The following RAD51B variants were observed in gnomAD, a reference collection of about 807,000 sequenced individuals.
RAD51B encodes the protein DNA repair protein RAD51 homolog 2.
In RAD51B, 38 loss-of-function variants were observed where a neutral mutation model predicts 42.2. That is an observed-to-expected ratio of 0.90 (90% CI 0.70 to 1.18). The LOEUF is 1.18. Ranked by LOEUF, RAD51B falls within the 50% of genes most tolerant of loss-of-function variation. The probability of loss-of-function intolerance (pLI) is 0.00; values close to 1 mark genes in which losing one functional copy is unlikely to be tolerated. For synonymous variants in RAD51B, 154 were observed against 145.2 expected (o/e 1.06, Z -0.43); for missense variants, 373 against 400.7 (o/e 0.93, Z 0.59).
chr14:68,059,501 G>A (rs2076535305), intron 7 of RAD51B, among the ~76,000 whole-genome samples: 1 of 151,982 alleles, frequency 6.6e-6, no homozygotes, highest in African/African-American at 2.4e-5. Flanking sequence ...TCATTTCCTG[G>A]ATAGCCCTCC....
At chr14:68,063,215 T>C (rs2076597136) in intron 7 of RAD51B, among the ~76,000 whole-genome samples, 1 of 152,182 alleles carries the variant, frequency 6.6e-6, no homozygotes, top group South Asian at 2.1e-4. Context: ...TTTTTAAGTC[T>C]CTATTTTGTT....
chr14:68,423,400 A>G (rs2084757942), intron 9 of RAD51B, among the ~76,000 whole-genome samples: 2 of 152,146 alleles, frequency 1.3e-5, no homozygotes, highest in Non-Finnish European at 2.9e-5. Context: ...TGTACCAGTT[A>G]TTCTGCTAAG....
At chr14:68,235,883 A>G (rs867679767) in intron 7 of RAD51B, among the ~76,000 whole-genome samples, 6 of 152,342 alleles carry the variant, frequency 3.9e-5, no homozygotes, top group African/African-American at 1.2e-4. Context: ...CCATAAAAAA[A>G]GAATGAGATC....
chr14:68,546,221 G>T (rs778068484), intron 10 of RAD51B, among the ~76,000 whole-genome samples: 5 of 152,202 alleles, frequency 3.3e-5, no homozygotes, highest in Non-Finnish European at 5.9e-5. Flanking sequence ...AGGAAGGACT[G>T]GTAGCAGCAG....
chr14:67,892,550 A>T (rs1298511783), intron 7 of RAD51B, among the ~76,000 whole-genome samples: 2 of 152,230 alleles, frequency 1.3e-5, no homozygotes, highest in Non-Finnish European at 2.9e-5. Flanking sequence ...GCCTCTTTTC[A>T]GGACTGCCCT....
At chr14:67,868,615 G>C (rs1161709917) in intron 5 of RAD51B, among the ~76,000 whole-genome samples, 2 of 151,724 alleles carry the variant, frequency 1.3e-5, no homozygotes, top group Non-Finnish European at 2.9e-5. Flanking sequence ...GCCTCTGTAG[G>C]CTCCACCTCT....
chr14:67,958,099 G>T (rs1040649792), intron 7 of RAD51B, among the ~76,000 whole-genome samples: 1 of 152,108 alleles, frequency 6.6e-6, no homozygotes, highest in African/African-American at 2.4e-5. Flanking sequence ...TCACGTCTCT[G>T]GTCTGTGTTG....
At chr14:68,015,289 C>G (rs1595259922) in intron 7 of RAD51B, among the ~76,000 whole-genome samples, 1 of 152,114 alleles carries the variant, frequency 6.6e-6, no homozygotes, top group African/African-American at 2.4e-5. Flanking sequence ...TTATTTAACA[C>G]CTACTATGAT....
At chr14:68,430,825 T>C (rs2084984154) in intron 9 of RAD51B, among the ~76,000 whole-genome samples, 1 of 152,088 alleles carries the variant, frequency 6.6e-6, no homozygotes. Context: ...CCCTGTCTTG[T>C]GCCAGTTTTC....
intron 7 of RAD51B, among the ~76,000 whole-genome samples, chr14:68,028,284 G>T (rs928137656): frequency 4.6e-5 from 7 of 152,230 alleles, no homozygotes; most frequent in Admixed American, 3.9e-4. Flanking sequence ...GGGCCTTGGG[G>T]GAGCCCCCTC....
chr14:68,315,757 C>T (rs951198537), intron 8 of RAD51B, among the ~76,000 whole-genome samples: 2 of 152,206 alleles, frequency 1.3e-5, no homozygotes. Context: ...CTCCTGACCT[C>T]ATGATCTGCC....
chr14:68,497,243 G>A (rs775760836), intron 10 of RAD51B: 197 of 1,360,770 alleles, frequency 1.4e-4, no homozygotes, highest in Non-Finnish European at 1.7e-4. Flanking sequence ...AACACCCATC[G>A]TTCTCTGCTA....
intron 7 of RAD51B, among the ~76,000 whole-genome samples, chr14:68,241,737 A>C (rs1242106990): frequency 6.6e-6 from 1 of 151,974 alleles, no homozygotes; most frequent in African/African-American, 2.4e-5. Flanking sequence ...CAAGCAGTCC[A>C]GCTCATGTAT....
chr14:68,084,021 G>A (rs751865990), intron 7 of RAD51B, among the ~76,000 whole-genome samples: 6 of 152,294 alleles, frequency 3.9e-5, no homozygotes, highest in East Asian at 3.9e-4. Flanking sequence ...GAGTGTGTAC[G>A]TGTGTGCATG....
chr14:68,411,656 A>C, intron 9 of RAD51B, 129 bp downstream of exon 9: 1 of 738,344 alleles, frequency 1.4e-6, no homozygotes, highest in East Asian at 2.7e-5. Context: ...TAGGGCCTAA[A>C]GAAACCAGCA....
At chr14:68,220,184 A>G (rs146323076) in intron 7 of RAD51B, among the ~76,000 whole-genome samples, 151 of 152,354 alleles carry the variant, frequency 9.9e-4, no homozygotes, top group Non-Finnish European at 1.6e-3. Flanking sequence ...ATTTGGTACT[A>G]TGCTAAGCAT....
intron 4 of RAD51B, among the ~76,000 whole-genome samples, chr14:67,863,511 A>G: frequency 6.6e-6 from 1 of 152,256 alleles, no homozygotes; most frequent in South Asian, 2.1e-4. Flanking sequence ...AGACTCATGA[A>G]TCACTCCTAC....
intron 7 of RAD51B, among the ~76,000 whole-genome samples, chr14:68,187,025 A>G (rs539099554): frequency 4.6e-5 from 7 of 152,354 alleles, no homozygotes; most frequent in East Asian, 1.9e-4. Context: ...CTATGCAGCC[A>G]TAAAAAGAAT....
intron 7 of RAD51B, among the ~76,000 whole-genome samples, chr14:68,276,946 C>T (rs2081237440): frequency 6.6e-6 from 1 of 152,126 alleles, no homozygotes; most frequent in South Asian, 2.1e-4. Flanking sequence ...GGGAGCAGGT[C>T]CCACTTTTAG....
Sources: allele counts gnomAD v4.1 joint callset (sites outside exome capture counted in the v4.1 genomes callset), GRCh38; gene constraint gnomAD v4.1.1; transcripts MANE v1.5; gene names NCBI Gene and HGNC (gene_info 2026-07-23, HGNC 2026-07-21).